The following SRC variants were observed in gnomAD, a reference collection of about 807,000 sequenced individuals.
The protein encoded by SRC is proto-oncogene tyrosine-protein kinase Src.
In SRC, 13 loss-of-function variants were observed where a neutral mutation model predicts 62.9. The observed-to-expected ratio is 0.21, with a 90% CI of 0.13 to 0.33. SRC has a LOEUF of 0.33. Ranked by LOEUF, SRC falls within the 10% of genes least tolerant of loss-of-function variation. The probability of loss-of-function intolerance (pLI) is 1.00; values close to 1 mark genes in which losing one functional copy is unlikely to be tolerated. For missense variants in SRC, 457 were observed against 737.3 expected (o/e 0.62, Z 4.40); for synonymous variants, 302 against 317.5 (o/e 0.95, Z 0.52).
rs981897387 is a variant in SRC, at chr20:37,398,012, G to A, written c.859+158G>A. Among the ~76,000 whole-genome samples the A allele has an allele frequency of 2.6e-5, 4 of 152,230 alleles. No homozygotes were observed. The highest frequency in any genetic ancestry group is 7.2e-5 in the African/African-American group (3 of 41,460). On this transcript the variant is annotated intron_variant, in intron 9 of 13. Coordinates refer to ENST00000373578, the MANE Select transcript of SRC (RefSeq NM_198291.3). This position sits in a 1 kb window ranked among gnomAD's most constrained non-coding sequence, Gnocchi z 5.2. ...CCAGCGGTGGCTGGCACCGAGTTGGGTTGTGGCCACCCAAGCACTGTGCCC... is the reference window on the plus strand; with the variant it reads ...CCAGCGGTGGCTGGCACCGAGTTGGATTGTGGCCACCCAAGCACTGTGCCC...
intron 10 of SRC, 80 bp from the exon 11 acceptor site, chr20:37,401,522 T>C (rs1425568300): frequency 1.8e-6 from 2 of 1,129,634 alleles, no homozygotes; most frequent in African/African-American, 3.2e-5. Context: ...GCCAGCCACC[T>C]GGGAGGATGG....
At chr20:37,368,525 T>G (rs868110606) in intron 2 of SRC, among the ~76,000 whole-genome samples, 1 of 119,040 alleles carries the variant, frequency 8.4e-6, no homozygotes, top group East Asian at 2.3e-4. Flanking sequence ...TTTCTTTTTT[T>G]TTTTTTTTTT....
At chr20:37,373,454 T>TGCGTATATATGC in intron 2 of SRC, among the ~76,000 whole-genome samples, 3 of 94,858 alleles carry the variant, frequency 3.2e-5, no homozygotes, top group African/African-American at 2.6e-4. Flanking sequence ...TACGCATATA[T>TGCGTATATATGC]GCATATATAC....
chr20:37,395,292 G>A (rs550454192), intron 7 of SRC, among the ~76,000 whole-genome samples: 1 of 152,214 alleles, frequency 6.6e-6, no homozygotes, highest in Non-Finnish European at 1.5e-5. Flanking sequence ...AGATCGCAGA[G>A]GGGGAGGTCT....
chr20:37,396,269 A>G lies in SRC; in HGVS notation c.661A>G (p.Thr221Ala), dbSNP rs1192783756. ...DSGGFYITSR[T>A]QFNSLQQLVA... ...CGGCGGCTTCTACATCACCTCCCGC[A>G]CCCAGTTCAACAGCCTGCAGCAGCT... Residue 221 changes from threonine to alanine, a missense_variant, in exon 8 of 14, where the codon ACC (threonine) becomes GCC (alanine). By Grantham distance (58) the Thr-to-Ala change is moderately conservative. Transcript: ENST00000373578. The surrounding 1 kb of genome is among the most constrained non-coding windows in gnomAD (Gnocchi z 6.1). 1.2e-6 allele frequency: 2 copies of G among 1,613,424 alleles called. No individual in the cohort carries two copies. Among genetic ancestry groups the G allele is most frequent in the Non-Finnish European group, 1.7e-6 (2 of 1,179,916 alleles).
intron 2 of SRC, among the ~76,000 whole-genome samples, chr20:37,372,134 A>G (rs1464945072): frequency 6.6e-6 from 1 of 152,074 alleles, no homozygotes; most frequent in African/African-American, 2.4e-5. Context: ...AGTAGCTGGG[A>G]CTACCGGCAG....
rs1269549633 is a variant in SRC at position 37,352,527 on chromosome 20, G to A, written c.-247+6272G>A. On this transcript the variant is annotated intron_variant, in intron 1 of 13. Transcript: ENST00000373578. Reference sequence around the variant, plus strand: ...TCTGCCTTAGCCCTTGCCTGCCTGTGACCTAGCATAGCCTCCCAGTGCCCC... The same window carrying A: ...TCTGCCTTAGCCCTTGCCTGCCTGTAACCTAGCATAGCCTCCCAGTGCCCC... Among the ~76,000 whole-genome samples, 5 of 152,190 alleles carry A rather than the reference G, an allele frequency of 3.3e-5. No homozygotes were observed. The South Asian group carries it at 1.0e-3, about 31-fold the overall frequency.
intron 1 of SRC, among the ~76,000 whole-genome samples, chr20:37,362,214 G>T (rs185745512): frequency 6.6e-6 from 1 of 151,698 alleles, no homozygotes; most frequent in Non-Finnish European, 1.5e-5. Flanking sequence ...ACCATGACCG[G>T]TTACATTTTT....
In SRC at chr20:37,369,781, T is replaced by C. The variant is rs117348810; in HGVS notation, c.-173+4504T>C. Among the ~76,000 whole-genome samples the C allele has an allele frequency of 1.1e-4, 17 of 152,100 alleles. No individual in the cohort carries two copies. In the East Asian group the frequency reaches 1.7e-3, roughly 16 times the overall value. On this transcript the variant is annotated intron_variant, in intron 2 of 13. Transcript: ENST00000373578. ...TGTTAGCTCTGGGGTTTTCTTTTTC[T>C]TTTTTCTTTTCTTTCTTTTCTTTTT...
chr20:37,377,102 A>G (rs1344893344), intron 2 of SRC, among the ~76,000 whole-genome samples: 1 of 152,210 alleles, frequency 6.6e-6, no homozygotes, highest in African/African-American at 2.4e-5. Context: ...CTGTTGGGTC[A>G]ATTAAGAACC....
At position 37,398,262 on chromosome 20, in the gene SRC, G is replaced by A. The variant is rs534628635; in HGVS notation, c.859+408G>A. Reference sequence around the variant, plus strand: ...ATGGAGAGAGAAGCCCGGCTCGCAGGAGGGAGTGCTGGGAAGCTTAGGTCT... The same window carrying A: ...ATGGAGAGAGAAGCCCGGCTCGCAGAAGGGAGTGCTGGGAAGCTTAGGTCT... On this transcript the variant is annotated intron_variant, in intron 9 of 13. Transcript: ENST00000373578. The surrounding 1 kb of genome is among the most constrained non-coding windows in gnomAD (Gnocchi z 5.2). Among the ~76,000 whole-genome samples, 26 of 152,324 alleles carry A rather than the reference G, an allele frequency of 1.7e-4. No individual in the cohort carries two copies. The South Asian group carries it at 5.4e-3, about 32-fold the overall frequency.
chr20:37,375,157 C>A (rs111270561), intron 2 of SRC, among the ~76,000 whole-genome samples: 7,597 of 151,888 alleles, frequency 0.05, 265 homozygotes, highest in Non-Finnish European at 0.061. Context: ...TCTCGAACTC[C>A]TGACCTCAGG....
chr20:37,392,721 G>A (rs1490349849), intron 5 of SRC, among the ~76,000 whole-genome samples: 5 of 152,088 alleles, frequency 3.3e-5, no homozygotes, highest in Non-Finnish European at 7.4e-5. Flanking sequence ...GAGAGGGGCT[G>A]GACCCTAGTT....
chr20:37,402,374 T>A lies in SRC; in HGVS notation c.1117-61T>A. ...GGTTGGCTCTCCAGCCCCAGAGTGC[T>A]CTGTGGCCCTGGGAGGGCATGGGTG... On this transcript the variant is annotated intron_variant, in intron 11 of 13. Transcript: ENST00000373578. This position sits in a 1 kb window ranked among gnomAD's most constrained non-coding sequence, Gnocchi z 6.2. 6.3e-7 allele frequency: 1 copy of A among 1,583,594 alleles called. No individual in the cohort carries two copies. The highest frequency in any genetic ancestry group is 1.1e-5 in the South Asian group (1 of 88,780).
intron 1 of SRC, among the ~76,000 whole-genome samples, chr20:37,347,988 G>A (rs188915859): frequency 6.6e-6 from 1 of 152,318 alleles, no homozygotes; most frequent in East Asian, 1.9e-4. Context: ...GGCCTTTTTG[G>A]TGATGTGGTG....
chr20:37,388,832 T>C (rs1297459342), intron 5 of SRC, among the ~76,000 whole-genome samples: 2 of 151,908 alleles, frequency 1.3e-5, no homozygotes, highest in East Asian at 1.9e-4. Context: ...GGGGCGGGGC[T>C]TGGTAGGAGA....
chr20:37,347,644 A>G (rs1255190034), intron 1 of SRC, among the ~76,000 whole-genome samples: 2 of 152,174 alleles, frequency 1.3e-5, no homozygotes, highest in African/African-American at 4.8e-5. Context: ...GACCGTAAGC[A>G]ATTCACTTTT....
intron 2 of SRC, 156 bp from the exon 3 acceptor site, chr20:37,382,463 T>C (rs1320003060): frequency 6.6e-6 from 1 of 151,882 alleles, no homozygotes; most frequent in Non-Finnish European, 1.5e-5. Context: ...TTTGGGAGGG[T>C]TGAAGGATAT....
At chr20:37,369,152 G>A (rs1371644664) in intron 2 of SRC, among the ~76,000 whole-genome samples, 1 of 152,184 alleles carries the variant, frequency 6.6e-6, no homozygotes, top group East Asian at 1.9e-4. Flanking sequence ...CTTAAAGACT[G>A]TTTGGCTATT....
Sources: gnomAD v4.1 joint callset for allele counts (sites outside exome capture counted in the v4.1 genomes callset) on GRCh38, gnomAD v4.1.1 for gene constraint, Gnocchi (gnomAD v3.1) non-coding constraint, MANE v1.5 for transcripts, NCBI Gene and HGNC (gene_info 2026-07-23, HGNC 2026-07-21) for gene names.